CDC42EP3: variants seen among roughly 807,000 people sequenced by gnomAD.
CDC42EP3 encodes the protein CDC42 effector protein (Rho GTPase binding) 3.
A neutral mutation model predicts 15.5 loss-of-function variants in CDC42EP3; 4 were observed. The ratio of observed to expected loss-of-function variants is 0.26; its 90% CI spans 0.13 to 0.59. The LOEUF (loss-of-function observed/expected upper bound fraction) is 0.59, where lower values mean the gene tolerates loss of function less well. CDC42EP3 is among the 20% of genes least tolerant of loss of function. CDC42EP3 has a pLI of 0.89. For synonymous variants in CDC42EP3, 145 were observed against 130.3 expected, an observed-to-expected ratio of 1.11 and a Z score of -0.77; for missense variants, 309 against 311.2, an observed-to-expected ratio of 0.99 and a Z score of 0.05.
At chr2:37,657,119 A>C (rs1438297930) in intron 1 of CDC42EP3, among the ~76,000 whole-genome samples, 1 of 151,906 alleles carries the variant, frequency 6.6e-6, no homozygotes, top group Admixed American at 6.6e-5. Context: ...ACAGGCTTTC[A>C]CTGGGGACAA....
upstream of CDC42EP3, chr2:37,672,573 G>C (rs905067758): frequency 3.3e-5 from 5 of 152,222 alleles, no homozygotes; most frequent in African/African-American, 1.2e-4. Context: ...GCCGGGGCCG[G>C]AGCGTGAACC....
Position 37,646,826 on chromosome 2 carries a change from C to A in CDC42EP3, c.-235-4G>T. ...CTTGACCACAACCAGGACAAACCTG[C>A]AGAAGAAACCAAAGCAGGTTATAAG... On this transcript the variant is annotated splice_region_variant and splice_polypyrimidine_tract_variant and intron_variant, in intron 1 of 1. Transcript: ENST00000295324. 2.5e-6 allele frequency: 1 copy of A among 393,898 alleles called. No homozygotes were observed. The highest frequency in any genetic ancestry group is 4.7e-6 in the Non-Finnish European group (1 of 211,422). The allele number at this position is 393,898 out of a possible 1,614,324, so 24.4% of individuals were successfully genotyped here.
Position 37,661,110 on chromosome 2 carries a change from A to AGTGTGTGTGT in CDC42EP3, c.-236+10306_-236+10315dup, listed in dbSNP as rs34074254. Among the ~76,000 whole-genome samples, 10 of 141,470 alleles carry AGTGTGTGTGT rather than the reference A, an allele frequency of 7.1e-5. 1 individual carries two copies. The highest frequency in any genetic ancestry group is 2.2e-4 in the African/African-American group (9 of 40,490). 92.8% of individuals were successfully genotyped at this position (141,470 alleles called of 152,430 possible). On this transcript the variant is annotated intron_variant, in intron 1 of 1. Transcript: ENST00000295324. ...TATACTATATATAGTGTGTGTGTAC[A>AGTGTGTGTGT]GTGTGTGTGTGTGTGTGTGCGTGTG...
intron 1 of CDC42EP3, among the ~76,000 whole-genome samples, chr2:37,661,522 G>T (rs1169918585): frequency 6.6e-6 from 1 of 152,186 alleles, no homozygotes; most frequent in African/African-American, 2.4e-5. Context: ...CCGAGAGCCG[G>T]GGCTGGATGA....
chr2:37,657,904 C>G (rs537767285), intron 1 of CDC42EP3, among the ~76,000 whole-genome samples: 3 of 152,128 alleles, frequency 2.0e-5, no homozygotes, highest in African/African-American at 7.2e-5. Context: ...ATTATCTGGC[C>G]TCAAATCTCA....
At chr2:37,669,251 AAAAT>A (rs200355698) in intron 1 of CDC42EP3, among the ~76,000 whole-genome samples, 3 of 147,482 alleles carry the variant, frequency 2.0e-5, no homozygotes, top group Non-Finnish European at 3.0e-5. Flanking sequence ...AAAAAAAAAA[AAAAT>A]CTTTGGGTGA....
chr2:37,671,676 T>G (rs552846744), upstream of CDC42EP3: 196 of 150,028 alleles, frequency 1.3e-3, no homozygotes, highest in Middle Eastern at 3.4e-3. Flanking sequence ...GGACTGAACC[T>G]GCGGAGGGCG....
In CDC42EP3 at chr2:37,642,018, T is replaced by C. The variant is rs1267186965; in HGVS notation, c.*3805A>G. The C allele has an allele frequency of 1.3e-5, 2 of 152,222 alleles. No homozygotes were observed. Among genetic ancestry groups the C allele is most frequent in the Non-Finnish European group, 2.9e-5 (2 of 68,034 alleles). 9.4% of individuals were successfully genotyped at this position (152,222 alleles called of 1,614,324 possible). The stretch of plus-strand genomic sequence containing the variant: ...GCATAGTTCCCATTCTTCCACATGA[T>C]GCTTTTTGCAGCATTGTACCACAGA... On this transcript the variant is annotated 3_prime_UTR_variant, in exon 2 of 2. Coordinates refer to ENST00000295324, the MANE Select transcript of CDC42EP3 (RefSeq NM_006449.5).
chr2:37,670,764 G>A (rs1666388383), intron 1 of CDC42EP3, among the ~76,000 whole-genome samples: 1 of 143,970 alleles, frequency 6.9e-6, no homozygotes, highest in African/African-American at 2.6e-5. Flanking sequence ...AAAGTCGAGA[G>A]AGGGATAGAG....
Position 37,642,813 on chromosome 2 carries a change from T to A in CDC42EP3, c.*3010A>T, listed in dbSNP as rs143229833. On this transcript the variant is annotated 3_prime_UTR_variant, in exon 2 of 2. Transcript: ENST00000295324. ...ATATAGAAGGACTAAACTGTGATTC[T>A]GGAGACCCGGGTTTCTCTTTGCTGT... 6.6e-6 allele frequency: 1 copy of A among 152,238 alleles called. No individual in the cohort carries two copies. Among genetic ancestry groups the A allele is most frequent in the Non-Finnish European group, 1.5e-5 (1 of 68,038 alleles). The allele number at this position is 152,238 out of a possible 1,614,324, so 9.4% of individuals were successfully genotyped here.
chr2:37,656,595 A>G (rs956175067), intron 1 of CDC42EP3, among the ~76,000 whole-genome samples: 1 of 152,242 alleles, frequency 6.6e-6, no homozygotes, highest in Non-Finnish European at 1.5e-5. Flanking sequence ...TGCTCAGAGC[A>G]TACCTCTTAG....
chr2:37,661,141 A>C (rs1490400885), intron 1 of CDC42EP3, among the ~76,000 whole-genome samples: 1 of 148,774 alleles, frequency 6.7e-6, no homozygotes, highest in African/African-American at 2.4e-5. Flanking sequence ...GTGTGTGTAT[A>C]GTGTGTGTAT....
chr2:37,663,307 G>A (rs866050063), intron 1 of CDC42EP3, among the ~76,000 whole-genome samples: 3 of 152,242 alleles, frequency 2.0e-5, no homozygotes, highest in South Asian at 4.1e-4. Flanking sequence ...TATTCTAGAA[G>A]TTGAGGCCGC....
At position 37,646,057 on chromosome 2, in the gene CDC42EP3, A is replaced by G; in HGVS notation, c.531T>C (p.Ser177=). The change falls in exon 2 of 2, where the codon TCT becomes TCC. Residue 177 remains serine, a synonymous_variant. Coordinates refer to ENST00000295324, the MANE Select transcript of CDC42EP3 (RefSeq NM_006449.5). ...CTCTGCCTTGGCTGGACTGAGATGCAGAACCGCTGGAGCCCCACGAGGTGT... is the reference window on the plus strand; with the variant it reads ...CTCTGCCTTGGCTGGACTGAGATGCGGAACCGCTGGAGCCCCACGAGGTGT... ...QGDTSWGSSG[S]ASQSSQGRDS... 1 of 1,614,178 alleles carries G rather than the reference A, an allele frequency of 6.2e-7. No homozygotes were observed. The highest frequency in any genetic ancestry group is 1.1e-5 in the South Asian group (1 of 91,088).
chr2:37,648,120 A>T (rs1184597491), intron 1 of CDC42EP3, among the ~76,000 whole-genome samples: 2 of 152,342 alleles, frequency 1.3e-5, no homozygotes, highest in Middle Eastern at 3.4e-3. Flanking sequence ...GCTACAAGGC[A>T]TTGGGGTTGT....
intron 1 of CDC42EP3, among the ~76,000 whole-genome samples, chr2:37,650,867 A>G (rs1665651728): frequency 6.6e-6 from 1 of 152,220 alleles, no homozygotes; most frequent in Non-Finnish European, 1.5e-5. Context: ...CAGTGGGGCA[A>G]TATCTATCAA....
chr2:37,668,979 T>C (rs1340228585), intron 1 of CDC42EP3, among the ~76,000 whole-genome samples: 1 of 152,144 alleles, frequency 6.6e-6, no homozygotes, highest in South Asian at 2.1e-4. Flanking sequence ...CTGGCAAACA[T>C]ACTGCATTTA....
intron 1 of CDC42EP3, among the ~76,000 whole-genome samples, chr2:37,663,467 T>C (rs564357919): frequency 6.6e-6 from 1 of 152,328 alleles, no homozygotes; most frequent in South Asian, 2.1e-4. Context: ...AGTGGACACA[T>C]GGGTGCCAAG....
chr2:37,668,063 A>C (rs886365378), intron 1 of CDC42EP3, among the ~76,000 whole-genome samples: 4 of 152,250 alleles, frequency 2.6e-5, no homozygotes, highest in African/African-American at 9.6e-5. Flanking sequence ...ACCTGTTATA[A>C]AGTTTAATTT....
Sources: allele counts gnomAD v4.1 joint callset (sites outside exome capture counted in the v4.1 genomes callset), GRCh38; gene constraint gnomAD v4.1.1; transcripts MANE v1.5; gene names NCBI Gene and HGNC (gene_info 2026-07-23, HGNC 2026-07-21).